The following GALNT7 variants were observed in gnomAD, a reference collection of about 807,000 sequenced individuals.
The protein encoded by GALNT7 is N-acetylgalactosaminyltransferase 7.
In GALNT7, 60 loss-of-function variants were observed where a neutral mutation model predicts 82.1. The observed-to-expected ratio is 0.73, with a 90% CI of 0.59 to 0.91. The LOEUF (loss-of-function observed/expected upper bound fraction) is 0.91, where lower values mean the gene tolerates loss of function less well. Ranked by LOEUF, GALNT7 falls within the 40% of genes least tolerant of loss-of-function variation. GALNT7 has a pLI of 0.00. For synonymous variants in GALNT7, 243 were observed against 275.1 expected, an observed-to-expected ratio of 0.88 and a Z score of 1.15; for missense variants, 660 against 804.2, an observed-to-expected ratio of 0.82 and a Z score of 2.17.
intron 2 of GALNT7, among the ~76,000 whole-genome samples, chr4:173,281,757 C>G (rs550518479): frequency 6.6e-6 from 1 of 152,318 alleles, no homozygotes; most frequent in African/African-American, 2.4e-5. Flanking sequence ...TACCTTCTAT[C>G]CCCTTGTTCC....
chr4:173,295,945 T>A lies in GALNT7; in HGVS notation c.965+102T>A, dbSNP rs548744372. 1,163 of 751,052 alleles carry A rather than the reference T, an allele frequency of 1.5e-3. 5 individuals are homozygous for A. The highest frequency in any genetic ancestry group is 2.4e-3 in the Non-Finnish European group (975 of 410,046). 46.5% of individuals were successfully genotyped at this position (751,052 alleles called of 1,614,324 possible). ...TTTGATTCCAGCTCCATTCAGTGCA[T>A]CGAGTGTGCTTTAGTGTTATCCCTC... On this transcript the variant is annotated intron_variant, in intron 5 of 11. Coordinates refer to ENST00000265000, the MANE Select transcript of GALNT7 (RefSeq NM_017423.3).
intron 1 of GALNT7, among the ~76,000 whole-genome samples, chr4:173,188,044 C>T (rs1390420539): frequency 6.6e-6 from 1 of 152,138 alleles, no homozygotes; most frequent in Admixed American, 6.5e-5. Flanking sequence ...TTTATTTATA[C>T]TTATATACTA....
intron 1 of GALNT7, among the ~76,000 whole-genome samples, chr4:173,246,344 T>G (rs1171985809): frequency 6.6e-6 from 1 of 152,214 alleles, no homozygotes; most frequent in East Asian, 1.9e-4. Context: ...TACAGGTTCC[T>G]TTTTTAATGA....
Position 173,243,486 on chromosome 4 carries a change from A to G in GALNT7, c.127-4494A>G, listed in dbSNP as rs565869349. On this transcript the variant is annotated intron_variant, in intron 1 of 11. Transcript: ENST00000265000. ...TGGATCAGCTGGTGTTTACGAAGGT[A>G]TCATTGTACCAGTGAGTCACAGAGG... Among the ~76,000 whole-genome samples, 8 of 152,352 alleles carry G rather than the reference A, an allele frequency of 5.3e-5. No homozygotes were observed. The South Asian group carries it at 1.0e-3, about 20-fold the overall frequency.
At chr4:173,275,497 A>G (rs1285622447) in intron 2 of GALNT7, among the ~76,000 whole-genome samples, 1 of 152,206 alleles carries the variant, frequency 6.6e-6, no homozygotes, top group Non-Finnish European at 1.5e-5. Context: ...TAAGCTTTTC[A>G]GTGAGCTGTG....
rs1489642603 is a variant in GALNT7 at position 173,321,800 on chromosome 4, A to G, written c.*83A>G. On this transcript the variant is annotated 3_prime_UTR_variant, in exon 12 of 12. Transcript: ENST00000265000. ...AAACCGCCTGAAACCTGCTGCAACTATTGTTATTAACTCTGTATAGCTCCA... is the reference window on the plus strand; with the variant it reads ...AAACCGCCTGAAACCTGCTGCAACTGTTGTTATTAACTCTGTATAGCTCCA... 8 of 883,652 alleles carry G rather than the reference A, an allele frequency of 9.1e-6. No homozygotes were observed. The highest frequency in any genetic ancestry group is 1.7e-5 in the African/African-American group (1 of 59,986). The allele number at this position is 883,652 out of a possible 1,614,324, so 54.7% of individuals were successfully genotyped here. A position where few individuals can be genotyped will look rare whatever the true frequency, so the allele number is the denominator to read the frequency against.
intron 1 of GALNT7, among the ~76,000 whole-genome samples, chr4:173,234,763 AG>A (rs1182390722): frequency 1.3e-5 from 2 of 152,172 alleles, no homozygotes; most frequent in Admixed American, 6.5e-5. Context: ...GTAATAAGTG[AG>A]TTCTCATTCT....
At chr4:173,266,129 G>A (rs886758400) in intron 2 of GALNT7, among the ~76,000 whole-genome samples, 9 of 152,252 alleles carry the variant, frequency 5.9e-5, no homozygotes, top group Middle Eastern at 3.4e-3. Flanking sequence ...GCCTAGTGGC[G>A]TGCGGCCATG....
At chr4:173,185,665 T>G (rs1048313972) in intron 1 of GALNT7, among the ~76,000 whole-genome samples, 3 of 152,198 alleles carry the variant, frequency 2.0e-5, no homozygotes, top group Admixed American at 2.0e-4. Context: ...AACTCTGTAT[T>G]GTAACAAGTT....
At chr4:173,209,997 G>T (rs767690594) in intron 1 of GALNT7, among the ~76,000 whole-genome samples, 7 of 152,122 alleles carry the variant, frequency 4.6e-5, no homozygotes, top group Non-Finnish European at 8.8e-5. Flanking sequence ...GCTGGGGGTA[G>T]AGGTGCGTGC....
At chr4:173,266,556 A>C (rs1246850303) in intron 2 of GALNT7, among the ~76,000 whole-genome samples, 1 of 152,210 alleles carries the variant, frequency 6.6e-6, no homozygotes, top group East Asian at 1.9e-4. Context: ...ATTTTTACTT[A>C]GGAGCAAAAG....
chr4:173,285,895 T>G (rs11728029), intron 2 of GALNT7, among the ~76,000 whole-genome samples: 8,790 of 152,244 alleles, frequency 0.058, 402 homozygotes, highest in African/African-American at 0.12. Flanking sequence ...AAAATGGGAT[T>G]TGTGGCACCT....
In GALNT7 at chr4:173,295,468, G is replaced by A. The variant is rs555953992; in HGVS notation, c.827G>A (p.Arg276Lys). 6.2e-7 allele frequency: 1 copy of A among 1,612,516 alleles called. No homozygotes were observed. Among genetic ancestry groups the A allele is most frequent in the South Asian group, 1.1e-5 (1 of 91,054 alleles). Residue 276 changes from arginine (R) to lysine (K), a missense_variant, in exon 4 of 12, where the codon AGA becomes AAA. Arg to Lys is a conservative substitution (Grantham distance 26, BLOSUM62 2). Transcript: ENST00000265000. Reference protein sequence around the residue: ...NGLVKVFRNERREGLIQARSI... With the variant: ...NGLVKVFRNEKREGLIQARSI... Reference sequence around the variant, plus strand: ...CTAGTGAAGGTATTTCGAAATGAAAGAAGGGAAGGTTTAATTCAAGCACGA... The same window carrying A: ...CTAGTGAAGGTATTTCGAAATGAAAAAAGGGAAGGTTTAATTCAAGCACGA...
At chr4:173,284,781 G>T (rs1390744851) in intron 2 of GALNT7, among the ~76,000 whole-genome samples, 1 of 146,642 alleles carries the variant, frequency 6.8e-6, no homozygotes, top group African/African-American at 2.7e-5. Flanking sequence ...CATGAATAGA[G>T]AGCCAAATTT....
intron 1 of GALNT7, among the ~76,000 whole-genome samples, chr4:173,186,861 A>G (rs1188969440): frequency 6.6e-6 from 1 of 151,392 alleles, no homozygotes; most frequent in Non-Finnish European, 1.5e-5. Flanking sequence ...GCAACCTCCA[A>G]CTCCCTGGGT....
chr4:173,242,357 C>CGAA (rs1734466596), intron 1 of GALNT7, among the ~76,000 whole-genome samples: 2 of 152,164 alleles, frequency 1.3e-5, no homozygotes, highest in African/African-American at 4.8e-5. Context: ...CATGCTTCAT[C>CGAA]CATTTTCAGT....
chr4:173,313,885 C>A, intron 8 of GALNT7, 73 bp from the exon 9 acceptor site: 1 of 643,284 alleles, frequency 1.6e-6, no homozygotes, highest in Non-Finnish European at 2.5e-6. Flanking sequence ...TTTCATGTGT[C>A]TAATATAGGC....
Position 173,222,845 on chromosome 4 carries a change from A to AAGGT in GALNT7, c.127-25135_127-25134insAGGT, listed in dbSNP as rs543395604. On this transcript the variant is annotated intron_variant, in intron 1 of 11. Transcript: ENST00000265000. ...CCATTGACCTGCAACGATGTTTTAA[A>AAGGT]TAAAATGACTACTAAGGTTAGATGT... is the stretch of plus-strand genomic sequence containing the variant. Among the ~76,000 whole-genome samples the AAGGT allele has an allele frequency of 4.0e-3, 608 of 152,352 alleles. 2 individuals carry two copies. The highest frequency in any genetic ancestry group is 0.014 in the African/African-American group (586 of 41,582).
chr4:173,204,921 G>A (rs772555182), intron 1 of GALNT7, among the ~76,000 whole-genome samples: 10 of 152,142 alleles, frequency 6.6e-5, no homozygotes, highest in Non-Finnish European at 1.0e-4. Context: ...AAGAAGTAAG[G>A]ACTTATTCCA....
Sources: gnomAD v4.1 joint callset for allele counts (sites outside exome capture counted in the v4.1 genomes callset) on GRCh38, gnomAD v4.1.1 for gene constraint, MANE v1.5 for transcripts, NCBI Gene and HGNC (gene_info 2026-07-23, HGNC 2026-07-21) for gene names.